The following TPD52 variants were observed in gnomAD, a reference collection of about 807,000 sequenced individuals.
TPD52 encodes the protein prostate and colon associated protein.
TPD52 carries 17 observed loss-of-function variants against 31.3 expected under a neutral mutation model. The observed-to-expected ratio is 0.54, with a 90% CI of 0.37 to 0.82. The LOEUF is 0.82. Among genes scored for constraint, TPD52 ranks in the 40% least tolerant of loss-of-function variants. The pLI, the probability that TPD52 is intolerant of heterozygous loss-of-function variation, is 0.00. For synonymous variants in TPD52, 83 were observed against 89.6 expected, an observed-to-expected ratio of 0.93 and a Z score of 0.42; for missense variants, 212 against 240.1, an observed-to-expected ratio of 0.88 and a Z score of 0.77.
chr8:80,056,989 T>A (rs1383876943), intron 2 of TPD52, among the ~76,000 whole-genome samples: 1 of 152,194 alleles, frequency 6.6e-6, no homozygotes, highest in East Asian at 1.9e-4. Context: ...GCTAACATGG[T>A]GAAACCCCAT....
At position 80,070,155 on chromosome 8, in the gene TPD52, C is replaced by G. The variant is rs576986370; in HGVS notation, c.20-5562G>C. ...TAAAAATGTAGAACCTACACTTAAG[C>G]CAAAAATAAGAGTTTGAGGAGCGCC... is the stretch of plus-strand genomic sequence containing the variant. On this transcript the variant is annotated intron_variant, in intron 1 of 7. Transcript: ENST00000518937. Among the ~76,000 whole-genome samples, 247 of 152,172 alleles carry G rather than the reference C, an allele frequency of 1.6e-3. 2 individuals are homozygous for G. Among genetic ancestry groups the G allele is most frequent in the Admixed American group, 4.6e-3 (70 of 15,280 alleles).
At chr8:80,102,279 C>T (rs1806798980) in intron 1 of TPD52, among the ~76,000 whole-genome samples, 1 of 152,212 alleles carries the variant, frequency 6.6e-6, no homozygotes, top group African/African-American at 2.4e-5. Context: ...CACTTTCAAG[C>T]TCATTCACGT....
chr8:80,149,978 G>A (rs1417862392), intron 1 of TPD52, among the ~76,000 whole-genome samples: 1 of 152,220 alleles, frequency 6.6e-6, no homozygotes, highest in Non-Finnish European at 1.5e-5. Context: ...TAAAGACAAT[G>A]GGGAAAATGT....
chr8:80,111,681 TG>T (rs1308760619), intron 1 of TPD52, among the ~76,000 whole-genome samples: 2 of 152,230 alleles, frequency 1.3e-5, no homozygotes, highest in African/African-American at 4.8e-5. Flanking sequence ...TTTGTACAAA[TG>T]CATCTGACTA....
intron 1 of TPD52, chr8:80,171,105 G>A (rs1812054225): frequency 3.1e-6 from 2 of 652,612 alleles, no homozygotes; most frequent in Non-Finnish European, 5.6e-6. Context: ...CCCTTCACGC[G>A]GCTTTCCACC....
intron 1 of TPD52, among the ~76,000 whole-genome samples, chr8:80,091,501 T>G (rs562635257): frequency 1.3e-5 from 2 of 151,906 alleles, no homozygotes; most frequent in East Asian, 3.9e-4. Context: ...AGAGCATTAC[T>G]ATTTTCACTT....
intron 1 of TPD52, among the ~76,000 whole-genome samples, chr8:80,076,674 T>TC (rs1814580028): frequency 1.1e-4 from 12 of 110,942 alleles, no homozygotes; most frequent in Admixed American, 8.1e-4. Context: ...AATAAAAGGG[T>TC]TTTTTGTTTG....
chr8:80,139,661 T>C lies in TPD52; in HGVS notation c.19+31764A>G, dbSNP rs117174363. Among the ~76,000 whole-genome samples the C allele has an allele frequency of 5.1e-4, 78 of 152,274 alleles. No individual in the cohort carries two copies. The East Asian group carries it at 0.014, about 28-fold the overall frequency. ...GTGGGGGTGAGGGCGGGGAAGGGGT[T>C]GCATTTGGATAGCGCCTCCCAATGC... On this transcript the variant is annotated intron_variant, in intron 1 of 7. Transcript: ENST00000518937.
At chr8:80,060,551 A>G (rs1399687506) in intron 2 of TPD52, among the ~76,000 whole-genome samples, 1 of 151,328 alleles carries the variant, frequency 6.6e-6, no homozygotes, top group African/African-American at 2.5e-5. Context: ...AGAGAATGAT[A>G]TCACAAGAAA....
chr8:80,043,374 G>C (rs1563562207), intron 6 of TPD52, among the ~76,000 whole-genome samples: 2 of 152,228 alleles, frequency 1.3e-5, no homozygotes, highest in Non-Finnish European at 2.9e-5. Flanking sequence ...TTCCAATGCT[G>C]TTATCCTATC....
intron 1 of TPD52, among the ~76,000 whole-genome samples, chr8:80,140,640 G>A (rs60683008): frequency 0.13 from 19,323 of 152,132 alleles, 1,622 homozygotes; most frequent in African/African-American, 0.23. Flanking sequence ...TGACTTGGAT[G>A]CACACCACAC....
At chr8:80,144,909 T>C (rs1321985566) in intron 1 of TPD52, among the ~76,000 whole-genome samples, 1 of 152,084 alleles carries the variant, frequency 6.6e-6, no homozygotes, top group Non-Finnish European at 1.5e-5. Context: ...CTAATAAGCA[T>C]AGTATCTATT....
intron 7 of TPD52, chr8:80,042,074 G>A (rs1027837407): frequency 5.8e-5 from 36 of 617,876 alleles, no homozygotes; most frequent in Non-Finnish European, 7.0e-5. Context: ...GGGCAACAGA[G>A]TGAGACTCCA....
At chr8:80,122,037 C>T (rs752028190) in intron 1 of TPD52, among the ~76,000 whole-genome samples, 56 of 150,014 alleles carry the variant, frequency 3.7e-4, no homozygotes, top group Non-Finnish European at 4.6e-4. Context: ...AAAAAAAACT[C>T]CTGTGCAATG....
intron 1 of TPD52, among the ~76,000 whole-genome samples, chr8:80,093,690 TG>T (rs1816465191): frequency 6.6e-6 from 1 of 152,118 alleles, no homozygotes; most frequent in East Asian, 1.9e-4. Context: ...ATGCATTCAG[TG>T]GGTCAACCAT....
At chr8:80,077,182 G>A (rs895214670) in intron 1 of TPD52, among the ~76,000 whole-genome samples, 1 of 150,768 alleles carries the variant, frequency 6.6e-6, no homozygotes, top group African/African-American at 2.4e-5. Context: ...GGCTGAGGCA[G>A]AAGAATCGCT....
chr8:80,094,456 A>G (rs997042237), intron 1 of TPD52, among the ~76,000 whole-genome samples: 1 of 83,690 alleles, frequency 1.2e-5, no homozygotes, highest in African/African-American at 4.5e-5. Context: ...ATATATATAT[A>G]TATATATATA....
intron 2 of TPD52, among the ~76,000 whole-genome samples, chr8:80,058,272 C>T (rs1812116000): frequency 6.6e-6 from 1 of 152,050 alleles, no homozygotes; most frequent in South Asian, 2.1e-4. Flanking sequence ...TAAAGAAGTG[C>T]ATAAAAACTT....
intron 1 of TPD52, among the ~76,000 whole-genome samples, chr8:80,072,347 G>GTGTGTATGTGTGTA: frequency 6.8e-6 from 1 of 147,316 alleles, no homozygotes; most frequent in East Asian, 1.9e-4. Context: ...GTGTGTGTGT[G>GTGTGTATGTGTGTA]TATGTGTGTA....
Sources: gnomAD v4.1 joint callset for allele counts (sites outside exome capture counted in the v4.1 genomes callset) on GRCh38, gnomAD v4.1.1 for gene constraint, MANE v1.5 for transcripts, NCBI Gene and HGNC (gene_info 2026-07-23, HGNC 2026-07-21) for gene names.